VPS45: variants seen among roughly 807,000 people sequenced by gnomAD.
VPS45 encodes the protein vacuolar protein sorting-associated protein 45.
In VPS45, 35 loss-of-function variants were observed where a neutral mutation model predicts 75.9. The ratio of observed to expected loss-of-function variants is 0.46; its 90% CI spans 0.35 to 0.61. VPS45 has a LOEUF of 0.61. Among genes scored for constraint, VPS45 ranks in the 20% least tolerant of loss-of-function variants. The pLI is 0.00. For missense variants in VPS45, 559 were observed against 685.9 expected, an observed-to-expected ratio of 0.81 and a Z score of 2.07; for synonymous variants, 220 against 238.2, an observed-to-expected ratio of 0.92 and a Z score of 0.70.
At chr1:150,087,401 C>A (rs1320692734) in intron 10 of VPS45, among the ~76,000 whole-genome samples, 1 of 152,090 alleles carries the variant, frequency 6.6e-6, no homozygotes, top group African/African-American at 2.4e-5. Flanking sequence ...TTCTAATAGT[C>A]ACAAGGCTGA....
chr1:150,126,836 C>T lies in VPS45; in HGVS notation c.1625+16209C>T, dbSNP rs587622042. On this transcript the variant is annotated intron_variant, in intron 14 of 14. Coordinates refer to ENST00000644510, the MANE Select transcript of VPS45 (RefSeq NM_007259.5). ...TTAAAATTAGCCAGGCATCATGGTACGCACCTGTAATCATAGCTACAGGTA... is the reference window on the plus strand; with the variant it reads ...TTAAAATTAGCCAGGCATCATGGTATGCACCTGTAATCATAGCTACAGGTA... Among the ~76,000 whole-genome samples the T allele has an allele frequency of 2.7e-3, 404 of 152,208 alleles. 3 individuals are homozygous for T. The highest frequency in any genetic ancestry group is 9.4e-3 in the African/African-American group (391 of 41,522).
rs782155003 is a variant in VPS45, at chr1:150,067,829, G to A, written c.-29G>A. 4.3e-6 allele frequency: 7 copies of A among 1,610,088 alleles called. No homozygotes were observed. In the East Asian group the frequency reaches 6.7e-5, roughly 15 times the overall value. On this transcript the variant is annotated 5_prime_UTR_variant, in exon 1 of 15. Transcript: ENST00000644510. ...TTTAGCCAGAAAAGGGGGCGGGAAG[G>A]GCTGTAGGGTACTTGTCAATTCGCC...
intron 14 of VPS45, chr1:150,142,996 G>T (rs1559951996): frequency 3.1e-6 from 1 of 325,958 alleles, no homozygotes. Flanking sequence ...CTTGCCAATG[G>T]GTAGCTATTT....
chr1:150,107,389 C>T (rs1173909738), intron 13 of VPS45, among the ~76,000 whole-genome samples: 2 of 152,202 alleles, frequency 1.3e-5, no homozygotes, highest in African/African-American at 4.8e-5. Context: ...CCCTTTACCC[C>T]TATCCTCCAC....
intron 14 of VPS45, 53 bp downstream of exon 14, chr1:150,110,680 C>A (rs1327755626): frequency 1.3e-6 from 2 of 1,507,276 alleles, no homozygotes; most frequent in African/African-American, 1.4e-5. Flanking sequence ...GAGGATAAAG[C>A]TTAAATTCCC....
intron 14 of VPS45, among the ~76,000 whole-genome samples, chr1:150,131,391 C>T (rs1290653401): frequency 1.3e-5 from 2 of 151,988 alleles, no homozygotes; most frequent in Non-Finnish European, 2.9e-5. Flanking sequence ...CGCCTGTAAT[C>T]CAGATACTCA....
intron 14 of VPS45, among the ~76,000 whole-genome samples, chr1:150,113,872 G>GT (rs1409398112): frequency 5.9e-5 from 9 of 152,058 alleles, no homozygotes; most frequent in African/African-American, 9.7e-5. Context: ...TCCAGCCTGG[G>GT]TGACAGAGAG....
intron 13 of VPS45, among the ~76,000 whole-genome samples, chr1:150,096,541 A>T (rs1553803050): frequency 6.6e-6 from 1 of 152,208 alleles, no homozygotes; most frequent in African/African-American, 2.4e-5. Context: ...ATGTTAGATG[A>T]GTAATCCACA....
chr1:150,067,726 G>A, upstream of VPS45: 1 of 825,636 alleles, frequency 1.2e-6, no homozygotes, highest in Non-Finnish European at 2.0e-6. Flanking sequence ...TCCCAGCACC[G>A]TGGCTGCCCG....
At chr1:150,107,159 C>T (rs1192418368) in intron 13 of VPS45, among the ~76,000 whole-genome samples, 1 of 152,086 alleles carries the variant, frequency 6.6e-6, no homozygotes, top group Non-Finnish European at 1.5e-5. Flanking sequence ...ACATGATCTC[C>T]CTAGATAAAA....
intron 4 of VPS45, chr1:150,076,645 T>G (rs1333647932): frequency 3.9e-6 from 2 of 509,466 alleles, no homozygotes; most frequent in East Asian, 6.7e-5. Flanking sequence ...TTTTACTAAT[T>G]GATAAGTATG....
chr1:150,126,604 A>G (rs1436640060), intron 14 of VPS45, among the ~76,000 whole-genome samples: 1 of 152,180 alleles, frequency 6.6e-6, no homozygotes, highest in Admixed American at 6.6e-5. Context: ...TATATTTGGC[A>G]AACTCATCAA....
intron 14 of VPS45, among the ~76,000 whole-genome samples, chr1:150,124,900 T>C (rs1200135349): frequency 6.6e-6 from 1 of 151,984 alleles, no homozygotes; most frequent in East Asian, 1.9e-4. Flanking sequence ...AGAATTTTGT[T>C]TATGTTTTGT....
intron 14 of VPS45, among the ~76,000 whole-genome samples, chr1:150,143,739 A>G (rs1553815945): frequency 6.6e-6 from 1 of 152,200 alleles, no homozygotes; most frequent in African/African-American, 2.4e-5. Flanking sequence ...TGAGAGATGG[A>G]ACAGACAAGT....
chr1:150,132,306 AAAAGT>A (rs1174469537), intron 14 of VPS45, among the ~76,000 whole-genome samples: 16 of 152,204 alleles, frequency 1.1e-4, no homozygotes, highest in African/African-American at 3.9e-4. Context: ...TGTAAAACTA[AAAAGT>A]TAAAAATGTA....
intron 14 of VPS45, among the ~76,000 whole-genome samples, chr1:150,121,917 G>T (rs958572718): frequency 1.3e-5 from 2 of 152,186 alleles, no homozygotes; most frequent in African/African-American, 4.8e-5. Flanking sequence ...AATAGATGCA[G>T]TGGGGGGGCA....
At chr1:150,131,914 C>T (rs1282230162) in intron 14 of VPS45, among the ~76,000 whole-genome samples, 1 of 151,924 alleles carries the variant, frequency 6.6e-6, no homozygotes, top group African/African-American at 2.4e-5. Flanking sequence ...TTACTTCAAC[C>T]CAGATGCAGA....
At chr1:150,087,456 A>G (rs972893110) in intron 10 of VPS45, among the ~76,000 whole-genome samples, 2 of 152,234 alleles carry the variant, frequency 1.3e-5, no homozygotes, top group Admixed American at 1.3e-4. Flanking sequence ...TAATTCAGTT[A>G]ATTTCCAACA....
chr1:150,072,565 G>A (rs1571814224), intron 3 of VPS45, among the ~76,000 whole-genome samples: 1 of 151,178 alleles, frequency 6.6e-6, no homozygotes, highest in East Asian at 2.0e-4. Context: ...GCTGAGGCAG[G>A]AGAATCGCTT....
Sources: allele counts gnomAD v4.1 joint callset (sites outside exome capture counted in the v4.1 genomes callset), GRCh38; gene constraint gnomAD v4.1.1; transcripts MANE v1.5; gene names NCBI Gene and HGNC (gene_info 2026-07-23, HGNC 2026-07-21).